The following SPAG16 variants were observed in gnomAD, a reference collection of about 807,000 sequenced individuals.
SPAG16 encodes sperm associated antigen 16.
In SPAG16, 86 loss-of-function variants were observed where a neutral mutation model predicts 80.4. The observed-to-expected ratio is 1.07, with a 90% CI of 0.90 to 1.28. The LOEUF (loss-of-function observed/expected upper bound fraction) is 1.28, where lower values mean the gene tolerates loss of function less well. Ranked by LOEUF, SPAG16 falls within the 50% of genes most tolerant of loss-of-function variation. The probability of loss-of-function intolerance (pLI) is 0.00; values close to 1 mark genes in which losing one functional copy is unlikely to be tolerated. For missense variants in SPAG16, 870 were observed against 765.3 expected (o/e 1.14, Z -1.61); for synonymous variants, 294 against 265.9 (o/e 1.11, Z -1.03).
chr2:214,221,709 A>T (rs2058574934), intron 15 of SPAG16, among the ~76,000 whole-genome samples: 1 of 152,222 alleles, frequency 6.6e-6, no homozygotes, highest in Non-Finnish European at 1.5e-5. Context: ...ACAGACAAAA[A>T]TGGCTTTAAA....
chr2:213,411,921 G>T (rs1209638771), intron 9 of SPAG16, among the ~76,000 whole-genome samples: 3 of 151,724 alleles, frequency 2.0e-5, no homozygotes, highest in Admixed American at 2.0e-4. Context: ...GGTTTGAAAA[G>T]AAAACTATAA....
intron 11 of SPAG16, among the ~76,000 whole-genome samples, chr2:213,902,983 C>T (rs960503407): frequency 1.6e-4 from 24 of 152,216 alleles, no homozygotes; most frequent in African/African-American, 4.6e-4. Context: ...TCTCCTTTGA[C>T]TCCAAGTCTC....
chr2:214,402,477 GT>G (rs34037668), intron 15 of SPAG16, among the ~76,000 whole-genome samples: 59 of 143,642 alleles, frequency 4.1e-4, no homozygotes, highest in Middle Eastern at 7.0e-3. Flanking sequence ...AACAAGAACT[GT>G]TTTTTTTTTC....
At chr2:213,912,027 A>G (rs1464303592) in intron 11 of SPAG16, among the ~76,000 whole-genome samples, 1 of 152,120 alleles carries the variant, frequency 6.6e-6, no homozygotes, top group African/African-American at 2.4e-5. Context: ...AAATCCTGCA[A>G]ACTCATAATA....
intron 12 of SPAG16, among the ~76,000 whole-genome samples, chr2:213,931,027 C>T (rs541865305): frequency 1.4e-4 from 21 of 152,246 alleles, no homozygotes; most frequent in Admixed American, 1.4e-3. Flanking sequence ...ACCTTATTCC[C>T]TGTGTTCGCT....
At chr2:214,125,776 A>G (rs987731615) in intron 14 of SPAG16, among the ~76,000 whole-genome samples, 4 of 151,748 alleles carry the variant, frequency 2.6e-5, no homozygotes, top group Admixed American at 6.7e-5. Context: ...ACAGGTTTAC[A>G]AGGGAAAAGT....
intron 11 of SPAG16, among the ~76,000 whole-genome samples, chr2:213,899,439 C>A (rs186604249): frequency 1.3e-5 from 2 of 151,934 alleles, no homozygotes; most frequent in Non-Finnish European, 2.9e-5. Flanking sequence ...TATATAGAGA[C>A]TGCATGATAA....
chr2:214,323,196 T>C (rs1332790635), intron 15 of SPAG16, among the ~76,000 whole-genome samples: 4 of 152,150 alleles, frequency 2.6e-5, no homozygotes, highest in African/African-American at 9.7e-5. Context: ...TGTTCTTTCT[T>C]CTGTGCTCTC....
At chr2:213,704,938 T>C (rs913683806) in intron 10 of SPAG16, among the ~76,000 whole-genome samples, 2 of 151,888 alleles carry the variant, frequency 1.3e-5, no homozygotes, top group Non-Finnish European at 2.9e-5. Context: ...ACTACGGTAG[T>C]GGCAACAGGA....
At chr2:214,074,838 C>T (rs572826124) in intron 13 of SPAG16, among the ~76,000 whole-genome samples, 8 of 152,194 alleles carry the variant, frequency 5.3e-5, no homozygotes, top group Middle Eastern at 3.4e-3. Flanking sequence ...CAATGAGATA[C>T]CACTATAAAC....
At chr2:214,180,284 G>A (rs1012426457) in intron 15 of SPAG16, among the ~76,000 whole-genome samples, 1 of 151,508 alleles carries the variant, frequency 6.6e-6, no homozygotes, top group African/African-American at 2.4e-5. Flanking sequence ...ATATTTCATG[G>A]TATTTAGGGA....
At chr2:213,574,890 A>G (rs772858901) in intron 10 of SPAG16, among the ~76,000 whole-genome samples, 5 of 151,870 alleles carry the variant, frequency 3.3e-5, no homozygotes, top group Non-Finnish European at 5.9e-5. Context: ...ATACAACCAT[A>G]ATAATGGTTT....
intron 9 of SPAG16, among the ~76,000 whole-genome samples, chr2:213,390,619 A>G (rs1180100413): frequency 1.3e-5 from 2 of 152,210 alleles, no homozygotes; most frequent in African/African-American, 4.8e-5. Flanking sequence ...GATTTTAAAA[A>G]CGTTTAAAGC....
chr2:213,601,660 A>G (rs903575219), intron 10 of SPAG16, among the ~76,000 whole-genome samples: 1 of 152,230 alleles, frequency 6.6e-6, no homozygotes, highest in Admixed American at 6.5e-5. Context: ...AGCTGTACAA[A>G]TGTATATGAC....
chr2:214,402,550 G>C (rs1205236717), intron 15 of SPAG16, among the ~76,000 whole-genome samples: 12 of 151,738 alleles, frequency 7.9e-5, no homozygotes, highest in South Asian at 2.1e-4. Flanking sequence ...ATATTATTTG[G>C]GTGAGGCTAA....
At chr2:214,009,596 C>A (rs1411023068) in intron 12 of SPAG16, among the ~76,000 whole-genome samples, 1 of 152,032 alleles carries the variant, frequency 6.6e-6, no homozygotes, top group East Asian at 1.9e-4. Flanking sequence ...ATAGATGAGG[C>A]AGAATGAGGG....
At chr2:214,144,357 A>G (rs2055522944) in intron 14 of SPAG16, among the ~76,000 whole-genome samples, 1 of 152,154 alleles carries the variant, frequency 6.6e-6, no homozygotes, top group Non-Finnish European at 1.5e-5. Context: ...TAATCATTGT[A>G]CATGTGTATT....
chr2:213,816,386 A>C (rs1183782738), intron 10 of SPAG16, among the ~76,000 whole-genome samples: 3 of 152,038 alleles, frequency 2.0e-5, no homozygotes, highest in African/African-American at 7.2e-5. Flanking sequence ...ATTCTTGAAT[A>C]TTTCTTTTGG....
chr2:213,322,101 A>G (rs952771591), intron 5 of SPAG16, among the ~76,000 whole-genome samples: 1 of 150,290 alleles, frequency 6.7e-6, no homozygotes, highest in Non-Finnish European at 1.5e-5. Flanking sequence ...TAAATAAAAA[A>G]AAGTAAAAAA....
Sources: gnomAD v4.1 joint callset for allele counts (sites outside exome capture counted in the v4.1 genomes callset) on GRCh38, gnomAD v4.1.1 for gene constraint, MANE v1.5 for transcripts, NCBI Gene and HGNC (gene_info 2026-07-23, HGNC 2026-07-21) for gene names.